EPC2: variants seen among roughly 807,000 people sequenced by gnomAD.
EPC2 encodes the protein enhancer of polycomb homolog 2.
A neutral mutation model predicts 92.1 loss-of-function variants in EPC2; 14 were observed. The ratio of observed to expected loss-of-function variants is 0.15; its 90% CI spans 0.10 to 0.24. EPC2 has a LOEUF of 0.24. EPC2 is among the 10% of genes least tolerant of loss of function. The probability of loss-of-function intolerance (pLI) is 1.00; values close to 1 mark genes in which losing one functional copy is unlikely to be tolerated. For missense variants in EPC2, 755 were observed against 971.5 expected (o/e 0.78, Z 2.96); for synonymous variants, 340 against 334.7 (o/e 1.02, Z -0.17).
chr2:148,649,419 T>G (rs1020523461), intron 1 of EPC2, among the ~76,000 whole-genome samples: 1 of 152,256 alleles, frequency 6.6e-6, no homozygotes, highest in Admixed American at 6.5e-5. Flanking sequence ...TTTTCTACAA[T>G]TTCATATAAA....
intron 4 of EPC2, among the ~76,000 whole-genome samples, chr2:148,761,360 T>G (rs2105422842): frequency 6.6e-6 from 1 of 152,280 alleles, no homozygotes; most frequent in East Asian, 1.9e-4. Context: ...GTTACAGAGC[T>G]GGAGATGGAT....
In EPC2 at chr2:148,786,286, C is replaced by T; in HGVS notation, c.2352-19C>T. On this transcript the variant is annotated intron_variant, in intron 13 of 13. Coordinates refer to ENST00000258484, the MANE Select transcript of EPC2 (RefSeq NM_015630.4). ...AGAGAGTATTGATATTTATTTTATC[C>T]TTTGCCTTATTACCATAGAGAGAAC... The T allele has an allele frequency of 4.4e-6, 7 of 1,594,316 alleles. No individual in the cohort carries two copies. Among genetic ancestry groups the T allele is most frequent in the Non-Finnish European group, 6.0e-6 (7 of 1,165,214 alleles).
intron 2 of EPC2, among the ~76,000 whole-genome samples, chr2:148,710,898 A>G (rs1014256180): frequency 9.9e-5 from 15 of 151,974 alleles, no homozygotes; most frequent in Admixed American, 9.8e-4. Context: ...TTAATGTAAA[A>G]GAGAGTTCCC....
chr2:148,720,999 G>A (rs1682361718), intron 2 of EPC2, among the ~76,000 whole-genome samples: 1 of 152,048 alleles, frequency 6.6e-6, no homozygotes, highest in Admixed American at 6.6e-5. Context: ...TAAGTAAACT[G>A]CTTATGTATA....
intron 1 of EPC2, among the ~76,000 whole-genome samples, chr2:148,668,025 A>G (rs1249319661): frequency 3.3e-5 from 5 of 152,018 alleles, no homozygotes; most frequent in African/African-American, 4.8e-5. Flanking sequence ...CAGTCTCCCA[A>G]GTAGCTGGGA....
At chr2:148,658,162 C>T (rs1326708662) in intron 1 of EPC2, among the ~76,000 whole-genome samples, 1 of 152,070 alleles carries the variant, frequency 6.6e-6, no homozygotes, top group African/African-American at 2.4e-5. Flanking sequence ...ATTTAAAATA[C>T]ATTGTTGATT....
At position 148,645,107 on chromosome 2, in the gene EPC2, C is replaced by A. The variant is rs1425160690; in HGVS notation, c.90C>A (p.Asp30Glu). The A allele has an allele frequency of 6.2e-7, 1 of 1,605,760 alleles. No individual in the cohort carries two copies. Among genetic ancestry groups the A allele is most frequent in the Middle Eastern group, 1.7e-4 (1 of 6,052 alleles). ...GCAAGGACATGCCTGATCTCAACGA[C>A]TGCGTCTCCATCAACCGGGCCGTGC... ...YRGKDMPDLNDCVSINRAVPQ... is the reference protein window; with the variant it reads ...YRGKDMPDLNECVSINRAVPQ... Residue 30 changes from aspartate to glutamate, a missense_variant, in exon 1 of 14, where the codon GAC becomes GAA. Transcript: ENST00000258484.
At chr2:148,645,735 C>A (rs1683784934) in intron 1 of EPC2, among the ~76,000 whole-genome samples, 1 of 152,062 alleles carries the variant, frequency 6.6e-6, no homozygotes, top group South Asian at 2.1e-4. Flanking sequence ...GGGCGGGGGC[C>A]ACGACTACCG....
intron 1 of EPC2, among the ~76,000 whole-genome samples, chr2:148,656,026 G>T (rs7606238): frequency 0.33 from 27,269 of 82,506 alleles, 4,180 homozygotes; most frequent in Non-Finnish European, 0.37. Flanking sequence ...TGTGTGTGTG[G>T]GGGGGGGGGG....
chr2:148,784,191 G>C (rs868231893), intron 12 of EPC2, among the ~76,000 whole-genome samples: 2 of 152,214 alleles, frequency 1.3e-5, no homozygotes, highest in Non-Finnish European at 2.9e-5. Context: ...TCTTTAGATA[G>C]AGTATTGCTG....
intron 10 of EPC2, among the ~76,000 whole-genome samples, chr2:148,778,803 C>T (rs1683696997): frequency 1.3e-5 from 2 of 151,916 alleles, no homozygotes. Context: ...GCACAGAATA[C>T]CTTACTTAAT....
At chr2:148,739,059 C>G (rs573979822) in intron 2 of EPC2, among the ~76,000 whole-genome samples, 1 of 152,112 alleles carries the variant, frequency 6.6e-6, no homozygotes, top group Non-Finnish European at 1.5e-5. Context: ...AGCTGTTGAC[C>G]GGATAGGTCC....
At chr2:148,676,683 A>G (rs992202986) in intron 1 of EPC2, among the ~76,000 whole-genome samples, 1 of 150,590 alleles carries the variant, frequency 6.6e-6, no homozygotes, top group African/African-American at 2.4e-5. Context: ...ATCTAAAGTT[A>G]TGTTGTTTTT....
intron 1 of EPC2, among the ~76,000 whole-genome samples, chr2:148,684,066 A>G (rs1166829134): frequency 6.6e-6 from 1 of 152,214 alleles, no homozygotes; most frequent in East Asian, 1.9e-4. Flanking sequence ...TGCAGGAGTA[A>G]GGTGGTATCT....
At chr2:148,646,955 C>T (rs1839197) in intron 1 of EPC2, among the ~76,000 whole-genome samples, 23,308 of 151,886 alleles carry the variant, frequency 0.15, 2,539 homozygotes, top group East Asian at 0.46. Context: ...ACTAAAAATA[C>T]AAAAATTAGC....
At chr2:148,649,370 A>G (rs912436748) in intron 1 of EPC2, among the ~76,000 whole-genome samples, 1 of 152,152 alleles carries the variant, frequency 6.6e-6, no homozygotes, top group African/African-American at 2.4e-5. Flanking sequence ...AGTCCAAGCA[A>G]TTGTTGATTT....
At chr2:148,683,316 G>T (rs867991182) in intron 1 of EPC2, among the ~76,000 whole-genome samples, 9 of 151,306 alleles carry the variant, frequency 5.9e-5, no homozygotes, top group Middle Eastern at 3.4e-3. Flanking sequence ...TGCCCAGGCT[G>T]GAGTGCAGTG....
At position 148,705,502 on chromosome 2, in the gene EPC2, C is replaced by CT. The variant is rs201672972; in HGVS notation, c.313+15130dup. ...GCTCTCCCAGCACGGTGTTTGAGCT[C>CT]TGAGAATGGACAGACCACCTCCTCA... On this transcript the variant is annotated intron_variant, in intron 2 of 13. Transcript: ENST00000258484. Among the ~76,000 whole-genome samples the CT allele has an allele frequency of 2.6e-4, 39 of 152,296 alleles. No homozygotes were observed. The East Asian group carries it at 6.8e-3, about 26-fold the overall frequency.
chr2:148,773,399 A>AT (rs1266410661), intron 10 of EPC2, among the ~76,000 whole-genome samples: 4 of 151,956 alleles, frequency 2.6e-5, no homozygotes, highest in Non-Finnish European at 4.4e-5. Context: ...GGTCTGTGTG[A>AT]TTTTTCCTAT....
Sources: gnomAD v4.1 joint callset for allele counts (sites outside exome capture counted in the v4.1 genomes callset) on GRCh38, gnomAD v4.1.1 for gene constraint, MANE v1.5 for transcripts, NCBI Gene and HGNC (gene_info 2026-07-23, HGNC 2026-07-21) for gene names.